Variants in ITPR3 observed in about 807,000 individuals in gnomAD.
ITPR3 encodes the protein inositol 1,4,5-trisphosphate receptor type 3.
Under a neutral mutation model 293.2 loss-of-function variants are expected in ITPR3, and 173 were observed. The ratio of observed to expected loss-of-function variants is 0.59; its 90% CI spans 0.52 to 0.67. The LOEUF is 0.67. Ranked by LOEUF, ITPR3 falls within the 30% of genes least tolerant of loss-of-function variation. The probability of loss-of-function intolerance (pLI) is 0.00; values close to 1 mark genes in which losing one functional copy is unlikely to be tolerated. For synonymous variants in ITPR3, 1,295 were observed against 1,444.4 expected, an observed-to-expected ratio of 0.90 and a Z score of 2.35; for missense variants, 2,796 against 3,592.1, an observed-to-expected ratio of 0.78 and a Z score of 5.66.
chr6:33,684,005 C>A lies in ITPR3; in HGVS notation c.4789-15C>A. 6.3e-7 allele frequency: 1 copy of A among 1,586,424 alleles called. No homozygotes were observed. Among genetic ancestry groups the A allele is most frequent in the Non-Finnish European group, 8.6e-7 (1 of 1,165,176 alleles). On this transcript the variant is annotated splice_polypyrimidine_tract_variant and intron_variant, in intron 35 of 57. Coordinates refer to ENST00000605930, the MANE Select transcript of ITPR3 (RefSeq NM_002224.4). This position sits in a 1 kb window ranked among gnomAD's most constrained non-coding sequence, Gnocchi z 4.2. ...TTTCTTGGGCCTGGCAATGACTCTG[C>A]CCTGCCCACCCCAGGACATCATCAC...
chr6:33,688,766 G>A lies in ITPR3; in HGVS notation c.6679G>A (p.Glu2227Lys). The change falls in exon 49 of 58, where the codon GAG (glutamate) becomes AAG (lysine). Residue 2227 changes from glutamate (E) to lysine (K), a missense_variant. Physicochemically the swap from Glu to Lys is moderately conservative, Grantham distance 56. Transcript: ENST00000605930. ...IIIAFFYPYMEGASTGVLDSP... is the reference protein window; with the variant it reads ...IIIAFFYPYMKGASTGVLDSP... ...CATTGCCTTCTTCTACCCTTACATG[G>A]AGGGCGCGTCCACAGGTGAGAACAC... The A allele has an allele frequency of 6.2e-7, 1 of 1,614,182 alleles. No homozygotes were observed. Among genetic ancestry groups the A allele is most frequent in the Non-Finnish European group, 8.5e-7 (1 of 1,180,022 alleles).
chr6:33,630,625 C>T (rs1209714498), intron 1 of ITPR3, among the ~76,000 whole-genome samples: 2 of 152,248 alleles, frequency 1.3e-5, no homozygotes, highest in African/African-American at 4.8e-5. Context: ...TCAGACAGCC[C>T]GCCTGACCCT....
Position 33,684,663 on chromosome 6 carries a change from G to T in ITPR3, c.5112G>T (p.Gly1704=). 2 of 1,614,064 alleles carry T rather than the reference G, an allele frequency of 1.2e-6. No individual in the cohort carries two copies. Among genetic ancestry groups the T allele is most frequent in the Non-Finnish European group, 1.7e-6 (2 of 1,180,028 alleles). Residue 1704 remains glycine, a synonymous_variant, in exon 38 of 58, where the codon GGG becomes GGT. Transcript: ENST00000605930. This position sits in a 1 kb window ranked among gnomAD's most constrained non-coding sequence, Gnocchi z 4.2. ...AGAACCGGAAGTCCACCTCGCGGGGGGACCTTCCCGACCCCATAGGCACTG... is the reference window on the plus strand; with the variant it reads ...AGAACCGGAAGTCCACCTCGCGGGGTGACCTTCCCGACCCCATAGGCACTG... ...YLQNRKSTSR[G]DLPDPIGTGL...
chr6:33,679,778 G>A lies in ITPR3; in HGVS notation c.3973-104G>A, dbSNP rs1765015932. On this transcript the variant is annotated intron_variant, in intron 30 of 57. Transcript: ENST00000605930. The surrounding 1 kb of genome is among the most constrained non-coding windows in gnomAD (Gnocchi z 4.2). ...GGAGGGTTTTCCTGATTTCAGGTAA[G>A]GGCTGTGGTCAGAGTCCCAGTTTCT... 23 of 1,416,916 alleles carry A rather than the reference G, an allele frequency of 1.6e-5. No homozygotes were observed. Among genetic ancestry groups the A allele is most frequent in the Admixed American group, 2.2e-5 (1 of 44,698 alleles). 87.8% of individuals were successfully genotyped at this position (1,416,916 alleles called of 1,614,324 possible).
chr6:33,646,057 C>T (rs893707492), intron 2 of ITPR3, among the ~76,000 whole-genome samples: 2 of 151,938 alleles, frequency 1.3e-5, no homozygotes, highest in Admixed American at 6.6e-5. Context: ...AGGCTGGTGT[C>T]GAACTCCTGA....
In ITPR3 at chr6:33,682,738, G is replaced by A; in HGVS notation, c.4597+94G>A. ...CTCCTAATAAACACTTTATCCCTAA[G>A]CTCGCCCATCTCCTGCTCCCAGGTG... On this transcript the variant is annotated intron_variant, in intron 34 of 57. Transcript: ENST00000605930. This position sits in a 1 kb window ranked among gnomAD's most constrained non-coding sequence, Gnocchi z 5.4. The A allele has an allele frequency of 6.9e-7, 1 of 1,451,188 alleles. No individual in the cohort carries two copies. The allele number at this position is 1,451,188 out of a possible 1,614,324, so 89.9% of individuals were successfully genotyped here.
intron 3 of ITPR3, 65 bp from the exon 4 acceptor site, chr6:33,657,866 TG>T: frequency 2.3e-6 from 3 of 1,325,678 alleles, no homozygotes; most frequent in Non-Finnish European, 2.2e-6. Context: ...TGTGTGGGGC[TG>T]GGGTATGTCT....
At position 33,683,327 on chromosome 6, in the gene ITPR3, C is replaced by T. The variant is rs561633593; in HGVS notation, c.4718C>T (p.Thr1573Met). ...AACGCCTCCAGCTACAAGGCAACCACGCGGGCCTTCCCCCGCGTCACCCCC... is the reference window on the plus strand; with the variant it reads ...AACGCCTCCAGCTACAAGGCAACCATGCGGGCCTTCCCCCGCGTCACCCCC... ...QRNASSYKAT[T>M]RAFPRVTPTA... The change falls in exon 35 of 58, where the codon ACG becomes ATG. Residue 1573 changes from threonine (T) to methionine (M), a missense_variant. Transcript: ENST00000605930. The surrounding 1 kb of genome is among the most constrained non-coding windows in gnomAD (Gnocchi z 4.5). 200 of 1,593,810 alleles carry T rather than the reference C, an allele frequency of 1.3e-4. 1 individual carries two copies. The Admixed American group carries it at 1.5e-3, about 12-fold the overall frequency.
In ITPR3 at chr6:33,683,179, C is replaced by G; in HGVS notation, c.4598-28C>G. On this transcript the variant is annotated intron_variant, in intron 34 of 57. Coordinates refer to ENST00000605930, the MANE Select transcript of ITPR3 (RefSeq NM_002224.4). This position sits in a 1 kb window ranked among gnomAD's most constrained non-coding sequence, Gnocchi z 4.5. ...TGGCTGAACTGCCCCCGCACCAGCACTCCAGCACTCCCTCCCTTCCCACCC... is the reference window on the plus strand; with the variant it reads ...TGGCTGAACTGCCCCCGCACCAGCAGTCCAGCACTCCCTCCCTTCCCACCC... The G allele has an allele frequency of 6.8e-7, 1 of 1,480,144 alleles. No homozygotes were observed. Among genetic ancestry groups the G allele is most frequent in the Non-Finnish European group, 9.1e-7 (1 of 1,104,042 alleles). 91.7% of individuals were successfully genotyped at this position (1,480,144 alleles called of 1,614,324 possible). A position where few individuals can be genotyped will look rare whatever the true frequency, so the allele number is the denominator to read the frequency against.
chr6:33,694,706 AGCCTG>A, intron 56 of ITPR3: 1 of 565,570 alleles, frequency 1.8e-6, no homozygotes, highest in Admixed American at 3.3e-5. Flanking sequence ...AACGGAAGTC[AGCCTG>A]TCTCGGTGGC....
chr6:33,665,705 A>G (rs371368159), intron 13 of ITPR3, 130 bp from the exon 14 acceptor site: 1 of 974,146 alleles, frequency 1.0e-6, no homozygotes, highest in Non-Finnish European at 1.5e-6. Context: ...TAGGCTGAGG[A>G]TGGGTTTTGT....
At position 33,692,823 on chromosome 6, in the gene ITPR3, C is replaced by T. The variant is rs745605604; in HGVS notation, c.7554C>T (p.Asp2518=). ...ACCTCATCTTTGGGGTAATCATCGA[C>T]ACCTTCGCTGACCTGCGTAGTGAGA... ...VLNLIFGVII[D]TFADLRSEKQ... is the part of the protein sequence containing the mutation. The change falls in exon 55 of 58, where the codon GAC becomes GAT. Residue 2518 remains aspartate, a synonymous_variant. Coordinates refer to ENST00000605930, the MANE Select transcript of ITPR3 (RefSeq NM_002224.4). This position sits in a 1 kb window ranked among gnomAD's most constrained non-coding sequence, Gnocchi z 4.2. 3.1e-6 allele frequency: 5 copies of T among 1,613,996 alleles called. No individual in the cohort carries two copies. The highest frequency in any genetic ancestry group is 1.7e-5 in the Admixed American group (1 of 60,014).
rs1287398879 is a variant in ITPR3, at chr6:33,624,632, G to C, written c.89+2941G>C. On this transcript the variant is annotated intron_variant, in intron 1 of 57. Transcript: ENST00000605930. This position sits in a 1 kb window ranked among gnomAD's most constrained non-coding sequence, Gnocchi z 4.7. ...TCTGGTCCCCTCTGCTTTTCCCGAGGCTGTTGGTGCCCATGTCTGTGAACC... is the reference window on the plus strand; with the variant it reads ...TCTGGTCCCCTCTGCTTTTCCCGAGCCTGTTGGTGCCCATGTCTGTGAACC... Among the ~76,000 whole-genome samples, 2 of 152,224 alleles carry C rather than the reference G, an allele frequency of 1.3e-5. No individual in the cohort carries two copies. The highest frequency in any genetic ancestry group is 4.8e-5 in the African/African-American group (2 of 41,440).
chr6:33,695,217 C>A (rs1561886480), intron 57 of ITPR3, 132 bp downstream of exon 57: 5 of 964,568 alleles, frequency 5.2e-6, no homozygotes. Context: ...AAGGCAGGTG[C>A]CAAACCCACT....
intron 56 of ITPR3, 84 bp from the exon 57 acceptor site, chr6:33,694,840 C>T: frequency 2.6e-6 from 4 of 1,537,870 alleles, no homozygotes; most frequent in Non-Finnish European, 2.7e-6. Flanking sequence ...GTGGCAGAAG[C>T]CTCCCCCCAC....
At chr6:33,623,851 C>G (rs548921161) in intron 1 of ITPR3, among the ~76,000 whole-genome samples, 1 of 152,258 alleles carries the variant, frequency 6.6e-6, no homozygotes, top group South Asian at 2.1e-4. Flanking sequence ...CTGCAAACAC[C>G]TCCAACATCT....
At position 33,672,149 on chromosome 6, in the gene ITPR3, C is replaced by A. The variant is rs752820121; in HGVS notation, c.2849C>A (p.Pro950Gln). 1.2e-6 allele frequency: 2 copies of A among 1,614,050 alleles called. No individual in the cohort carries two copies. Among genetic ancestry groups the A allele is most frequent in the East Asian group, 4.5e-5 (2 of 44,866 alleles). Residue 950 changes from proline (P) to glutamine (Q), a missense_variant, in exon 22 of 58, where the codon CCG (proline) becomes CAG (glutamine). Around this residue, in one of 8 missense-constraint regions of ITPR3, gnomAD observed 955 missense variants for 1,180.8 expected, o/e 0.81. Coordinates refer to ENST00000605930, the MANE Select transcript of ITPR3 (RefSeq NM_002224.4). The surrounding 1 kb of genome is among the most constrained non-coding windows in gnomAD (Gnocchi z 5.0). ...TCTGCTGGGGCCAGTGCTGCTGAGC[C>A]GCTGGACAGAAGCAAGTTTGAGGAG... ...SLSAGASAAE[P>Q]LDRSKFEENE...
rs1297054335 is a variant in ITPR3 at position 33,624,087 on chromosome 6, AC to A, written c.89+2399del. 6.6e-6 allele frequency among the ~76,000 whole-genome samples: 1 copy of A among 152,102 alleles called. No homozygotes were observed. Among genetic ancestry groups the A allele is most frequent in the Non-Finnish European group, 1.5e-5 (1 of 68,026 alleles). ...GTCTCCACCTGGGTAAATCTGTCCC[AC>A]CCTCTAAGGCTTAATGCAAAGTGGC... On this transcript the variant is annotated intron_variant, in intron 1 of 57. Coordinates refer to ENST00000605930, the MANE Select transcript of ITPR3 (RefSeq NM_002224.4). The surrounding 1 kb of genome is among the most constrained non-coding windows in gnomAD (Gnocchi z 4.7).
At chr6:33,623,474 C>T (rs925104092) in intron 1 of ITPR3, among the ~76,000 whole-genome samples, 1 of 151,850 alleles carries the variant, frequency 6.6e-6, no homozygotes. Context: ...ACTACAGGCA[C>T]ATCACCACAC....
Sources: allele counts gnomAD v4.1 joint callset (sites outside exome capture counted in the v4.1 genomes callset), GRCh38; gene constraint gnomAD v4.1.1; regional missense constraint gnomAD v4.1.1; non-coding constraint Gnocchi (gnomAD v3.1); transcripts MANE v1.5; gene names NCBI Gene and HGNC (gene_info 2026-07-23, HGNC 2026-07-21).